The following BFSP1 variants were observed in gnomAD, a reference collection of about 807,000 sequenced individuals.
BFSP1 encodes the protein filensin.
BFSP1 carries 38 observed loss-of-function variants against 43.9 expected under a neutral mutation model. That is an observed-to-expected ratio of 0.87 (90% CI 0.67 to 1.14). The LOEUF is 1.14. Among genes scored for constraint, BFSP1 ranks in the 50% most tolerant of loss-of-function variants. BFSP1 has a pLI of 0.00. For synonymous variants in BFSP1, 352 were observed against 354.8 expected (o/e 0.99, Z 0.09); for missense variants, 850 against 875.1 (o/e 0.97, Z 0.36).
At chr20:17,509,446 T>A (rs924465647) in intron 4 of BFSP1, among the ~76,000 whole-genome samples, 2 of 152,206 alleles carry the variant, frequency 1.3e-5, no homozygotes, top group South Asian at 2.1e-4. Flanking sequence ...CTGAGAAGAC[T>A]AAGCCAGGCC....
In BFSP1 at chr20:17,531,062, G is replaced by A. The variant is rs1005080255; in HGVS notation, c.268C>T (p.Arg90Cys). 3 of 1,400,728 alleles carry A rather than the reference G, an allele frequency of 2.1e-6. No homozygotes were observed. The highest frequency in any genetic ancestry group is 2.8e-6 in the Non-Finnish European group (3 of 1,079,140). The allele number at this position is 1,400,728 out of a possible 1,614,324, so 86.8% of individuals were successfully genotyped here. A position where few individuals can be genotyped will look rare whatever the true frequency, so the allele number is the denominator to read the frequency against. Reference sequence around the variant, plus strand: ...CGCTGGCGGTTGCTCTCGACTTGGCGGGCGAGGGCGTCCTCGGGCCCGGCC... The same window carrying A: ...CGCTGGCGGTTGCTCTCGACTTGGCAGGCGAGGGCGTCCTCGGGCCCGGCC... ...ELAGPEDALA[R>C]QVESNRQRVR... is the part of the protein sequence containing the mutation. The change falls in exon 1 of 8, where the codon CGC becomes TGC. Residue 90 changes from arginine to cysteine, a missense_variant. Arg to Cys is a radical substitution (Grantham distance 180, BLOSUM62 -3). Transcript: ENST00000377873.
intron 1 of BFSP1, among the ~76,000 whole-genome samples, chr20:17,549,710 C>A (rs1449771274): frequency 1.3e-5 from 2 of 152,122 alleles, no homozygotes; most frequent in Non-Finnish European, 2.9e-5. Context: ...GTGGCACACA[C>A]CTGTAATCCC....
intron 7 of BFSP1, among the ~76,000 whole-genome samples, chr20:17,495,554 C>T (rs1482056893): frequency 1.3e-5 from 2 of 152,166 alleles, no homozygotes; most frequent in East Asian, 1.9e-4. Context: ...GGTGGATCTA[C>T]CTCATTCCAT....
rs1216103593 is a variant in BFSP1, at chr20:17,514,778, C to T, written c.477G>A (p.Gln159=). The T allele has an allele frequency of 6.2e-7, 1 of 1,613,964 alleles. No homozygotes were observed. Among genetic ancestry groups the T allele is most frequent in the South Asian group, 1.1e-5 (1 of 91,076 alleles). ...CATCTTGCAGAAATTGGGCTTCCAGCTGAAGGCGTAGGTTATGCAGCAAGG... is the reference window on the plus strand; with the variant it reads ...CATCTTGCAGAAATTGGGCTTCCAGTTGAAGGCGTAGGTTATGCAGCAAGG... ...DEALLHNLRL[Q]LEAQFLQDDI... is the part of the protein sequence containing the mutation. The change falls in exon 3 of 8, where the codon CAG becomes CAA. Residue 159 remains glutamine, a synonymous_variant. Coordinates refer to ENST00000377873, the MANE Select transcript of BFSP1 (RefSeq NM_001195.5).
At chr20:17,538,171 G>A (rs1259405491) in intron 1 of BFSP1, among the ~76,000 whole-genome samples, 1 of 151,618 alleles carries the variant, frequency 6.6e-6, no homozygotes, top group Non-Finnish European at 1.5e-5. Context: ...AAGGAGGAAG[G>A]AAGAAAGGGA....
At position 17,498,723 on chromosome 20, in the gene BFSP1, A is replaced by G. The variant is rs914208252; in HGVS notation, c.956+97T>C. The G allele has an allele frequency of 3.1e-5, 43 of 1,368,624 alleles. No individual in the cohort carries two copies. The East Asian group carries it at 4.0e-4, about 13-fold the overall frequency. 84.8% of individuals were successfully genotyped at this position (1,368,624 alleles called of 1,614,324 possible). A position where few individuals can be genotyped will look rare whatever the true frequency, so the allele number is the denominator to read the frequency against. ...ATTGTTCTGTTTCCTTCCCTGACAC[A>G]TGCCCACTGCCTATAACTGTGCCTG... On this transcript the variant is annotated intron_variant, in intron 6 of 7. Coordinates refer to ENST00000377873, the MANE Select transcript of BFSP1 (RefSeq NM_001195.5).
chr20:17,498,780 G>A, intron 6 of BFSP1, 40 bp downstream of exon 6: 2 of 1,594,296 alleles, frequency 1.3e-6, no homozygotes, highest in Non-Finnish European at 1.7e-6. Context: ...AAGAGTTGTG[G>A]AAGGAATAAG....
intron 5 of BFSP1, chr20:17,506,805 GTGAGCCACCACACCCAGCC>G (rs2033949015): frequency 1.3e-5 from 2 of 152,276 alleles, no homozygotes; most frequent in South Asian, 4.2e-4. Flanking sequence ...CATTACAGGC[GTGAGCCACCACACCCAGCC>G]TGGTTTCCTT....
chr20:17,528,993 A>C (rs1042305030), intron 1 of BFSP1, among the ~76,000 whole-genome samples: 1 of 152,176 alleles, frequency 6.6e-6, no homozygotes, highest in African/African-American at 2.4e-5. Flanking sequence ...TCCAGGGTAG[A>C]GCCTAGACAT....
intron 1 of BFSP1, among the ~76,000 whole-genome samples, chr20:17,540,711 G>A (rs571160311): frequency 2.6e-5 from 4 of 152,162 alleles, no homozygotes; most frequent in East Asian, 1.9e-4. Context: ...CATCACCTCC[G>A]GGTGCCTCTC....
chr20:17,499,878 A>G (rs1384158330), intron 5 of BFSP1, among the ~76,000 whole-genome samples: 1 of 152,126 alleles, frequency 6.6e-6, no homozygotes, highest in Non-Finnish European at 1.5e-5. Flanking sequence ...CCAAGACCAC[A>G]CCATTGCACT....
intron 1 of BFSP1, among the ~76,000 whole-genome samples, chr20:17,550,674 T>C (rs1472520977): frequency 2.0e-5 from 3 of 152,156 alleles, no homozygotes; most frequent in Non-Finnish European, 2.9e-5. Context: ...GGTTTCACCA[T>C]GTTGGCCAGG....
intron 3 of BFSP1, among the ~76,000 whole-genome samples, chr20:17,514,326 G>A (rs1433483084): frequency 6.6e-6 from 1 of 152,230 alleles, no homozygotes; most frequent in Non-Finnish European, 1.5e-5. Flanking sequence ...TGCAGGAGAG[G>A]AAGCTCCTGA....
chr20:17,568,892 CTAAAT>C (rs1332629300), intron 1 of BFSP1, among the ~76,000 whole-genome samples: 11 of 152,098 alleles, frequency 7.2e-5, no homozygotes, highest in South Asian at 4.1e-4. Context: ...TCTCGGTAAC[CTAAAT>C]TAATTTATAA....
chr20:17,531,479 G>T, upstream of BFSP1: 1 of 1,118,426 alleles, frequency 8.9e-7, no homozygotes, highest in Non-Finnish European at 1.1e-6. Flanking sequence ...GCCACGCTGG[G>T]CCCGGGCGCG....
chr20:17,545,731 A>G (rs553625177), intron 1 of BFSP1, among the ~76,000 whole-genome samples: 1 of 152,360 alleles, frequency 6.6e-6, no homozygotes, highest in South Asian at 2.1e-4. Context: ...CAATAACAAG[A>G]TATGCTTTCA....
At chr20:17,541,882 G>A (rs1472146367) in intron 1 of BFSP1, among the ~76,000 whole-genome samples, 1 of 152,188 alleles carries the variant, frequency 6.6e-6, no homozygotes, top group African/African-American at 2.4e-5. Flanking sequence ...GACCCTAATT[G>A]CATGACTTGG....
At chr20:17,526,214 A>AGTTTGTGAT (rs2034420779) in intron 1 of BFSP1, among the ~76,000 whole-genome samples, 1 of 130,148 alleles carries the variant, frequency 7.7e-6, no homozygotes, top group Non-Finnish European at 1.5e-5. Flanking sequence ...TTAAGTATAT[A>AGTTTGTGAT]GTTTGTGATA....
At chr20:17,521,972 C>A (rs139637346) in intron 2 of BFSP1, among the ~76,000 whole-genome samples, 1 of 152,150 alleles carries the variant, frequency 6.6e-6, no homozygotes, top group Admixed American at 6.5e-5. Flanking sequence ...TAACACCCAG[C>A]GCTTCTGGAC....
Sources: gnomAD v4.1 joint callset for allele counts (sites outside exome capture counted in the v4.1 genomes callset) on GRCh38, gnomAD v4.1.1 for gene constraint, MANE v1.5 for transcripts, NCBI Gene and HGNC (gene_info 2026-07-23, HGNC 2026-07-21) for gene names.